HERC6: variants seen among roughly 807,000 people sequenced by gnomAD.
HERC6 encodes probable E3 ubiquitin-protein ligase HERC6.
Under a neutral mutation model 114.5 loss-of-function variants are expected in HERC6, and 101 were observed. That is an observed-to-expected ratio of 0.88 (90% confidence interval 0.75 to 1.04). HERC6 has a LOEUF of 1.04. Ranked by LOEUF, HERC6 falls within the 50% of genes least tolerant of loss-of-function variation. HERC6 has a pLI of 0.00. For missense variants in HERC6, 1,133 were observed against 1,230.9 expected (o/e 0.92, Z 1.19); for synonymous variants, 408 against 436.2 (o/e 0.94, Z 0.81).
At position 88,428,748 on chromosome 4, in the gene HERC6, G is replaced by C. The variant is rs537163039; in HGVS notation, c.2104G>C (p.Val702Leu). Residue 702 changes from valine to leucine, a missense_variant and splice_region_variant, in exon 16 of 23, where the codon GTG (valine) becomes CTG (leucine). This residue lies in a region of HERC6 where 388 missense variants were observed against 445.9 expected (regional missense o/e 0.87). Coordinates refer to ENST00000264346, the MANE Select transcript of HERC6 (RefSeq NM_017912.4). ...AGCTACTGACTTCTGCAAAGTATTA[G>C]TGGTACAGTAAAAAGTCTCATTGAA... Reference protein sequence around the residue: ...AEATDFCKVLVVEFINEICPE... With the variant: ...AEATDFCKVLLVEFINEICPE... The C allele has an allele frequency of 3.2e-6, 5 of 1,540,148 alleles. No individual in the cohort carries two copies. The South Asian group carries it at 5.1e-5, about 16-fold the overall frequency.
chr4:88,397,513 C>T (rs1044402800), intron 7 of HERC6, among the ~76,000 whole-genome samples: 2 of 151,930 alleles, frequency 1.3e-5, no homozygotes, highest in South Asian at 4.2e-4. Context: ...GCCTGGCCAA[C>T]AGGGTGAAAC....
Position 88,413,231 on chromosome 4 carries a change from T to C in HERC6, c.1523T>C (p.Val508Ala). Residue 508 changes from valine to alanine, a missense_variant, in exon 12 of 23, where the codon GTG becomes GCG. Val to Ala is a moderately conservative substitution (Grantham distance 64). This residue lies in a region of HERC6 where 735 missense variants were observed against 754.0 expected (regional missense o/e 0.97). Transcript: ENST00000264346. ...CTGGTGGTTCCATTTGCAAAGGCTG[T>C]GTGTGAAATGAGTAAACAATCTTTG... ...KNLVVPFAKA[V>A]CEMSKQSLQV... is the part of the protein sequence containing the mutation. 2 of 1,613,316 alleles carry C rather than the reference T, an allele frequency of 1.2e-6. No individual in the cohort carries two copies. Among genetic ancestry groups the C allele is most frequent in the Non-Finnish European group, 1.7e-6 (2 of 1,179,592 alleles).
chr4:88,393,203 A>G (rs1408031061), intron 4 of HERC6, among the ~76,000 whole-genome samples: 2 of 152,072 alleles, frequency 1.3e-5, no homozygotes, highest in Non-Finnish European at 2.9e-5. Context: ...TTCTCTCCCA[A>G]GGTAGGGTTT....
At chr4:88,434,780 A>AC (rs1738573977) in intron 17 of HERC6, among the ~76,000 whole-genome samples, 1 of 150,936 alleles carries the variant, frequency 6.6e-6, no homozygotes, top group East Asian at 1.9e-4. Flanking sequence ...AAAAAAAAAA[A>AC]CCAAAACAAA....
intron 6 of HERC6, 34 bp from the exon 7 acceptor site, chr4:88,396,817 T>C (rs768532652): frequency 6.8e-7 from 1 of 1,477,262 alleles, no homozygotes; most frequent in East Asian, 2.4e-5. Context: ...ATGAGTGCCT[T>C]AGTCTTCATT....
In HERC6 at chr4:88,385,561, T is replaced by C; in HGVS notation, c.422T>C (p.Leu141Pro). The C allele has an allele frequency of 6.7e-7, 1 of 1,499,370 alleles. No homozygotes were observed. The highest frequency in any genetic ancestry group is 8.9e-7 in the Non-Finnish European group (1 of 1,119,058). 92.9% of individuals were successfully genotyped at this position (1,499,370 alleles called of 1,614,324 possible). A position where few individuals can be genotyped will look rare whatever the true frequency, so the allele number is the denominator to read the frequency against. Residue 141 changes from leucine to proline, a missense_variant, in exon 3 of 23, where the codon CTG becomes CCG. By Grantham distance (98) the Leu-to-Pro change is moderately conservative. Transcript: ENST00000264346. ...IQVSCGHYHS[L>P]ALSKDSQVFS... ...GTTTCCTGTGGACACTACCACTCCC[T>C]GGCATTATCAAAAGGTAAGAAACAC...
At chr4:88,431,651 G>A (rs533996696) in intron 17 of HERC6, among the ~76,000 whole-genome samples, 1 of 152,204 alleles carries the variant, frequency 6.6e-6, no homozygotes, top group Middle Eastern at 3.2e-3. Context: ...GCTCAGCCTG[G>A]TGGTTCACAC....
chr4:88,434,901 C>T (rs569430429), intron 17 of HERC6, among the ~76,000 whole-genome samples: 7 of 152,054 alleles, frequency 4.6e-5, no homozygotes, highest in Non-Finnish European at 7.4e-5. Context: ...ACCCCTTTGT[C>T]GATTACTTGT....
intron 3 of HERC6, among the ~76,000 whole-genome samples, chr4:88,386,538 G>A (rs545419183): frequency 1.3e-5 from 2 of 152,172 alleles, no homozygotes; most frequent in East Asian, 3.9e-4. Context: ...GTGCACAAGA[G>A]TTCACAGAAA....
At chr4:88,379,185 C>T (rs2110217291) in intron 1 of HERC6, 65 bp downstream of exon 1, 1 of 1,307,666 alleles carries the variant, frequency 7.6e-7, no homozygotes, top group Middle Eastern at 2.6e-4. Flanking sequence ...GGCTTGGGTA[C>T]CGGGCGCAGG....
intron 17 of HERC6, among the ~76,000 whole-genome samples, chr4:88,433,379 G>A (rs1296167396): frequency 3.3e-5 from 5 of 152,178 alleles, no homozygotes; most frequent in Admixed American, 2.0e-4. Context: ...CACCCTCCCC[G>A]AAATTCATGT....
intron 8 of HERC6, 198 bp downstream of exon 8, chr4:88,398,407 C>A (rs1311180775): frequency 9.7e-6 from 4 of 410,706 alleles, no homozygotes; most frequent in Admixed American, 4.4e-5. Context: ...ATTAGACCCC[C>A]CCACCACCAC....
chr4:88,389,975 G>C (rs572572178), intron 3 of HERC6, among the ~76,000 whole-genome samples: 34 of 151,886 alleles, frequency 2.2e-4, no homozygotes, highest in African/African-American at 7.3e-4. Context: ...TCAGGAGTTC[G>C]ACATCAACCT....
intron 8 of HERC6, among the ~76,000 whole-genome samples, chr4:88,401,456 A>C (rs1735532413): frequency 6.7e-6 from 1 of 149,306 alleles, no homozygotes; most frequent in Non-Finnish European, 1.5e-5. Context: ...GCGCCACTGC[A>C]CTCCAGCCTG....
chr4:88,424,619 G>T lies in HERC6; in HGVS notation c.1852G>T (p.Val618Phe), dbSNP rs990749963. ...HLIPAETPSP[V>F]IFSDFPFIFN... ...GATACCTGCAGAAACCCCCAGTCCTGTTATTTTCAGTGATTTTCCATTTAT... is the reference window on the plus strand; with the variant it reads ...GATACCTGCAGAAACCCCCAGTCCTTTTATTTTCAGTGATTTTCCATTTAT... The change falls in exon 15 of 23, where the codon GTT (valine) becomes TTT (phenylalanine). Residue 618 changes from valine to phenylalanine, a missense_variant. Around this residue, in one of 3 missense-constraint regions of HERC6, gnomAD observed 735 missense variants for 754.0 expected, o/e 0.97. Transcript: ENST00000264346. 1 of 1,609,664 alleles carries T rather than the reference G, an allele frequency of 6.2e-7. No homozygotes were observed. Among genetic ancestry groups the T allele is most frequent in the Non-Finnish European group, 8.5e-7 (1 of 1,177,242 alleles).
intron 15 of HERC6, among the ~76,000 whole-genome samples, chr4:88,425,689 A>G (rs2148963298): frequency 6.6e-6 from 1 of 152,332 alleles, no homozygotes; most frequent in Non-Finnish European, 1.5e-5. Flanking sequence ...TTAGTCCCAC[A>G]TAAGATTTAC....
At chr4:88,416,874 A>G (rs1267987699) in intron 12 of HERC6, among the ~76,000 whole-genome samples, 1 of 152,082 alleles carries the variant, frequency 6.6e-6, no homozygotes, top group African/African-American at 2.4e-5. Context: ...CATCAAATTT[A>G]TTTGTTTTCT....
Position 88,428,600 on chromosome 4 carries a change from C to CA in HERC6, c.1957dup (p.Met653AsnfsTer5), listed in dbSNP as rs754942564. The CA allele has an allele frequency of 1.6e-5, 25 of 1,597,834 alleles. No homozygotes were observed. The South Asian group carries it at 2.7e-4, about 17-fold the overall frequency. ...TCCAGATGTCAGAAAAGAAAGCATA[C>CA]ATGCTTATGCATGAAACAATTCTGC... On this transcript the variant is annotated frameshift_variant, in exon 16 of 23. Transcript: ENST00000264346. LOFTEE classifies it high-confidence loss of function.
chr4:88,434,780 A>C (rs1738573031), intron 17 of HERC6, among the ~76,000 whole-genome samples: 1 of 150,936 alleles, frequency 6.6e-6, no homozygotes, highest in African/African-American at 2.4e-5. Context: ...AAAAAAAAAA[A>C]CCAAAACAAA....
Sources: gnomAD v4.1 joint callset for allele counts (sites outside exome capture counted in the v4.1 genomes callset) on GRCh38, gnomAD v4.1.1 for gene constraint, gnomAD v4.1.1 regional missense constraint, MANE v1.5 for transcripts, NCBI Gene and HGNC (gene_info 2026-07-23, HGNC 2026-07-21) for gene names.